The following UGT2A1 variants were observed in gnomAD, a reference collection of about 807,000 sequenced individuals.
The protein encoded by UGT2A1 is UDP-glucuronosyltransferase 2A1.
A neutral mutation model predicts 45.4 loss-of-function variants in UGT2A1; 61 were observed. The observed-to-expected ratio is 1.34, with a 90% CI of 1.09 to 1.66. UGT2A1 has a LOEUF of 1.66. Ranked by LOEUF, UGT2A1 falls within the 40% of genes most tolerant of loss-of-function variation. The probability of loss-of-function intolerance (pLI) is 0.00; values close to 1 mark genes in which losing one functional copy is unlikely to be tolerated. For synonymous variants in UGT2A1, 229 were observed against 196.2 expected, an observed-to-expected ratio of 1.17 and a Z score of -1.40; for missense variants, 649 against 574.3, an observed-to-expected ratio of 1.13 and a Z score of -1.33.
At chr4:69,616,392 A>G (rs1289149419) in intron 3 of UGT2A1, among the ~76,000 whole-genome samples, 1 of 152,026 alleles carries the variant, frequency 6.6e-6, no homozygotes, top group Non-Finnish European at 1.5e-5. Context: ...GAATTTTCCT[A>G]ACATAGAAAA....
At chr4:69,643,457 CAA>C (rs1210589648) in intron 2 of UGT2A1, among the ~76,000 whole-genome samples, 5 of 151,526 alleles carry the variant, frequency 3.3e-5, no homozygotes, top group African/African-American at 1.2e-4. Context: ...TTCCAAGTCT[CAA>C]TATTCTTTTC....
intron 3 of UGT2A1, among the ~76,000 whole-genome samples, chr4:69,620,208 C>A (rs941047035): frequency 2.0e-5 from 3 of 151,856 alleles, no homozygotes; most frequent in Non-Finnish European, 4.4e-5. Flanking sequence ...GGTTCACACA[C>A]AACATGATTC....
chr4:69,649,567 G>T (rs1722428798), intron 1 of UGT2A1, among the ~76,000 whole-genome samples: 1 of 152,056 alleles, frequency 6.6e-6, no homozygotes, highest in Admixed American at 6.6e-5. Context: ...TTAGAACAAG[G>T]TCCGTTGGTA....
At chr4:69,634,138 C>G (rs943531023) in intron 3 of UGT2A1, among the ~76,000 whole-genome samples, 4 of 151,600 alleles carry the variant, frequency 2.6e-5, no homozygotes, top group Non-Finnish European at 4.4e-5. Context: ...CCAGCTACTC[C>G]GGAGGCTGAG....
chr4:69,595,756 A>G (rs1316702310), intron 4 of UGT2A1, among the ~76,000 whole-genome samples: 1 of 152,212 alleles, frequency 6.6e-6, no homozygotes, highest in Non-Finnish European at 1.5e-5. Context: ...TTAGCTAGAG[A>G]ATATTCAACT....
chr4:69,631,499 A>C (rs1462132798), intron 3 of UGT2A1, among the ~76,000 whole-genome samples: 1 of 152,306 alleles, frequency 6.6e-6, no homozygotes, highest in South Asian at 2.1e-4. Flanking sequence ...TTACTGCCTA[A>C]CCACCAATAA....
intron 1 of UGT2A1, 132 bp downstream of exon 1, chr4:69,653,056 A>G (rs185045339): frequency 5.9e-5 from 9 of 152,248 alleles, no homozygotes; most frequent in African/African-American, 2.2e-4. Flanking sequence ...TAATGCTTTC[A>G]TGGGTAAGCA....
intron 2 of UGT2A1, among the ~76,000 whole-genome samples, chr4:69,637,534 G>A (rs1721779245): frequency 6.6e-6 from 1 of 152,004 alleles, no homozygotes; most frequent in Non-Finnish European, 1.5e-5. Context: ...TTCCTCCAGG[G>A]ATCTTATGGA....
In UGT2A1 at chr4:69,606,794, C is replaced by A. The variant is rs1383511036; in HGVS notation, c.848-7400G>T. Reference sequence around the variant, plus strand: ...ACACCAATAACAGACAAACAGAGAGCCAAATCACGAGTGAGCTCCCATTCA... The same window carrying A: ...ACACCAATAACAGACAAACAGAGAGACAAATCACGAGTGAGCTCCCATTCA... On this transcript the variant is annotated intron_variant, in intron 3 of 6. Transcript: ENST00000286604. Among the ~76,000 whole-genome samples the A allele has an allele frequency of 1.2e-4, 17 of 136,254 alleles. 2 individuals carry two copies. Among genetic ancestry groups the A allele is most frequent in the Non-Finnish European group, 1.2e-4 (8 of 64,150 alleles). The allele number at this position is 136,254 out of a possible 152,430, so 89.4% of individuals were successfully genotyped here.
chr4:69,613,244 A>G (rs1207190820), intron 3 of UGT2A1, among the ~76,000 whole-genome samples: 1 of 151,974 alleles, frequency 6.6e-6, no homozygotes, highest in African/African-American at 2.4e-5. Flanking sequence ...CTAGAAGTAA[A>G]CAGATACCTA....
intron 3 of UGT2A1, among the ~76,000 whole-genome samples, chr4:69,626,228 C>T (rs1038495993): frequency 1.3e-5 from 2 of 150,788 alleles, no homozygotes; most frequent in South Asian, 2.1e-4. Context: ...CCATTAGAAG[C>T]TTGCGTTTAA....
chr4:69,642,609 A>C (rs1457283367), intron 2 of UGT2A1, among the ~76,000 whole-genome samples: 1 of 151,690 alleles, frequency 6.6e-6, no homozygotes, highest in African/African-American at 2.4e-5. Context: ...TTAATTACTC[A>C]TGCTTAGTGA....
intron 3 of UGT2A1, among the ~76,000 whole-genome samples, chr4:69,608,011 G>A (rs906040662): frequency 1.3e-5 from 2 of 152,126 alleles, no homozygotes; most frequent in African/African-American, 4.8e-5. Context: ...AGTCAGTGTG[G>A]CAATTTCTCA....
intron 3 of UGT2A1, among the ~76,000 whole-genome samples, chr4:69,604,556 G>A (rs62306494): frequency 0.18 from 24,960 of 135,342 alleles, 6,055 homozygotes; most frequent in Non-Finnish European, 0.22. Context: ...ACAGGATCAA[G>A]TTCACACATA....
chr4:69,614,113 AAACC>A (rs779204339), intron 3 of UGT2A1, among the ~76,000 whole-genome samples: 38,056 of 151,748 alleles, frequency 0.25, 5,148 homozygotes, highest in African/African-American at 0.35. Context: ...TTAAGCTGAT[AAACC>A]CATTCAGTAG....
At chr4:69,636,581 T>C (rs1483690020) in intron 2 of UGT2A1, among the ~76,000 whole-genome samples, 1 of 152,122 alleles carries the variant, frequency 6.6e-6, no homozygotes. Flanking sequence ...ACAAAGCCTT[T>C]TTCACACTTA....
intron 3 of UGT2A1, among the ~76,000 whole-genome samples, chr4:69,608,925 C>T (rs1357131990): frequency 6.6e-6 from 1 of 152,036 alleles, no homozygotes; most frequent in Admixed American, 6.5e-5. Context: ...AAAACCATAG[C>T]TTCTATTAAG....
At chr4:69,622,735 T>A (rs73824177) in intron 3 of UGT2A1, among the ~76,000 whole-genome samples, 9,602 of 151,808 alleles carry the variant, frequency 0.063, 326 homozygotes, top group African/African-American at 0.082. Context: ...GATGCTGCTA[T>A]TGTCTAGCAA....
At position 69,599,393 on chromosome 4, in the gene UGT2A1, TC is replaced by T. The variant is rs771102654; in HGVS notation, c.848del (p.Gly283GlufsTer17). The T allele has an allele frequency of 1.9e-6, 3 of 1,612,358 alleles. No individual in the cohort carries two copies. The highest frequency in any genetic ancestry group is 2.5e-6 in the Non-Finnish European group (3 of 1,179,590). ...HCSWDYRLPAGRPTTLCETMG... is the reference protein window; with the variant it reads ...HCSWDYRLPAXRPTTLCETMG... ...TAGTCTCACATAACGTAGTGGGTCT[TC>T]CTGGAGAAAATGTAACAAGTTGGAT... is the stretch of plus-strand genomic sequence containing the variant. On this transcript the variant is annotated frameshift_variant and splice_region_variant, in exon 4 of 7. Coordinates refer to ENST00000286604, the MANE Select transcript of UGT2A1 (RefSeq NM_001252275.3). LOFTEE classifies it high-confidence loss of function.
Sources: allele counts gnomAD v4.1 joint callset (sites outside exome capture counted in the v4.1 genomes callset), GRCh38; gene constraint gnomAD v4.1.1; transcripts MANE v1.5; gene names NCBI Gene and HGNC (gene_info 2026-07-23, HGNC 2026-07-21).